Variants in ARNT observed in about 807,000 individuals in gnomAD.
ARNT encodes class E basic helix-loop-helix protein 2.
In ARNT, 30 loss-of-function variants were observed where a neutral mutation model predicts 105.0. That is an observed-to-expected ratio of 0.29 (90% CI 0.21 to 0.39). ARNT has a LOEUF of 0.39. Among genes scored for constraint, ARNT ranks in the 10% least tolerant of loss-of-function variants. ARNT has a pLI of 1.00. For missense variants in ARNT, 748 were observed against 978.7 expected, an observed-to-expected ratio of 0.76 and a Z score of 3.15; for synonymous variants, 304 against 344.0, an observed-to-expected ratio of 0.88 and a Z score of 1.29.
Position 150,820,155 on chromosome 1 carries a change from G to C in ARNT, c.1395-2125C>G, listed in dbSNP as rs77212361. ...ATGCTACAGCAGAGTTGAGTAGGTG[G>C]AATAAAGACCACATGGCCCACAAAG... On this transcript the variant is annotated intron_variant, in intron 14 of 21. Transcript: ENST00000358595. Among the ~76,000 whole-genome samples the C allele has an allele frequency of 7.7e-3, 1,169 of 152,230 alleles. 6 individuals carry two copies. The highest frequency in any genetic ancestry group is 0.011 in the Non-Finnish European group (717 of 68,010).
In ARNT at chr1:150,813,208, C is replaced by A; in HGVS notation, c.2244G>T (p.Pro748=). The A allele has an allele frequency of 6.2e-7, 1 of 1,613,478 alleles. No individual in the cohort carries two copies. The highest frequency in any genetic ancestry group is 8.5e-7 in the Non-Finnish European group (1 of 1,179,710). The change falls in exon 21 of 22, where the codon CCG becomes CCT. Residue 748 remains proline (P), a synonymous_variant. Transcript: ENST00000358595. ...CAGGCTGGCCAGGTTGCTGTGCTGG[C>A]GGTTGTTGAACATGTTGCTCACTAG... The part of the protein sequence containing the change: ...SSSSEQHVQQ[P]PAQQPGQPEV...
intron 19 of ARNT, 47 bp downstream of exon 19, chr1:150,816,212 A>G: frequency 1.3e-6 from 2 of 1,559,160 alleles, no homozygotes. Context: ...AAAAGCCCAA[A>G]CAAACAAAAA....
Position 150,810,962 on chromosome 1 carries a change from A to G in ARNT, c.*1059T>C. 4.4e-6 allele frequency: 1 copy of G among 229,482 alleles called. No individual in the cohort carries two copies. 14.2% of individuals were successfully genotyped at this position (229,482 alleles called of 1,614,324 possible). Reference sequence around the variant, plus strand: ...CTTCGTATTTGGTTTACACTCCAACAATGAGGATTTTCACTGGGACGGCTA... The same window carrying G: ...CTTCGTATTTGGTTTACACTCCAACGATGAGGATTTTCACTGGGACGGCTA... On this transcript the variant is annotated 3_prime_UTR_variant, in exon 22 of 22. Coordinates refer to ENST00000358595, the MANE Select transcript of ARNT (RefSeq NM_001668.4).
At chr1:150,870,285 T>C (rs1667226948) in intron 1 of ARNT, among the ~76,000 whole-genome samples, 2 of 152,186 alleles carry the variant, frequency 1.3e-5, no homozygotes, top group Admixed American at 6.5e-5. Flanking sequence ...GATATTATTA[T>C]AGTTAGTACA....
chr1:150,826,902 C>A (rs1266663818), intron 12 of ARNT, among the ~76,000 whole-genome samples: 1 of 152,038 alleles, frequency 6.6e-6, no homozygotes, highest in Non-Finnish European at 1.5e-5. Context: ...CCGCCTCGGC[C>A]TCCCAAAGCG....
intron 3 of ARNT, 128 bp from the exon 4 acceptor site, chr1:150,846,435 G>A (rs998976741): frequency 3.5e-6 from 3 of 866,508 alleles, no homozygotes; most frequent in Non-Finnish European, 3.6e-6. Flanking sequence ...ATCACAAAGT[G>A]ATAGAAATAA....
chr1:150,873,461 A>G (rs1667793003), intron 1 of ARNT, among the ~76,000 whole-genome samples: 1 of 152,192 alleles, frequency 6.6e-6, no homozygotes, highest in African/African-American at 2.4e-5. Flanking sequence ...AAAAAAAATC[A>G]TCACAGAACT....
At chr1:150,867,219 C>CA (rs201275651) in intron 1 of ARNT, among the ~76,000 whole-genome samples, 7,835 of 134,758 alleles carry the variant, frequency 0.058, 268 homozygotes, top group Middle Eastern at 0.094. Flanking sequence ...AAAACAACAA[C>CA]AACAAAAAAA....
chr1:150,836,938 C>G (rs754694966), intron 6 of ARNT, among the ~76,000 whole-genome samples: 1 of 152,040 alleles, frequency 6.6e-6, no homozygotes, highest in Non-Finnish European at 1.5e-5. Flanking sequence ...TGGTGGCACA[C>G]GCCTGTAGTC....
At chr1:150,863,629 G>A (rs1666046287) in intron 1 of ARNT, among the ~76,000 whole-genome samples, 2 of 152,042 alleles carry the variant, frequency 1.3e-5, no homozygotes, top group South Asian at 2.1e-4. Context: ...AGGAGTTCGA[G>A]ACCAGCCTGA....
intron 12 of ARNT, among the ~76,000 whole-genome samples, chr1:150,827,641 T>C (rs2089081): frequency 0.41 from 63,126 of 152,140 alleles, 15,122 homozygotes; most frequent in Non-Finnish European, 0.54. Flanking sequence ...ATGAACTGTG[T>C]ACAAATCTAT....
In ARNT at chr1:150,848,443, CG is replaced by C. The variant is rs1194574274; in HGVS notation, c.183-2137del. Among the ~76,000 whole-genome samples, 3 of 140,626 alleles carry C rather than the reference CG, an allele frequency of 2.1e-5. No individual in the cohort carries two copies. The East Asian group carries it at 6.1e-4, about 29-fold the overall frequency. 92.3% of individuals were successfully genotyped at this position (140,626 alleles called of 152,430 possible). The stretch of plus-strand genomic sequence containing the variant: ...TGCACTCCAACGTGGGCAACAAGAG[CG>C]AGACTCCTCTCAAAAAAAAAAAAAG... On this transcript the variant is annotated intron_variant, in intron 3 of 21. Coordinates refer to ENST00000358595, the MANE Select transcript of ARNT (RefSeq NM_001668.4).
At chr1:150,840,865 A>G (rs1443197783) in intron 5 of ARNT, among the ~76,000 whole-genome samples, 1 of 151,944 alleles carries the variant, frequency 6.6e-6, no homozygotes, top group Non-Finnish European at 1.5e-5. Flanking sequence ...AGTGTCCTCC[A>G]TGGGGATGCC....
chr1:150,856,333 G>A (rs1014102353), intron 2 of ARNT, among the ~76,000 whole-genome samples: 17 of 152,100 alleles, frequency 1.1e-4, no homozygotes, highest in Non-Finnish European at 1.6e-4. Context: ...CCAGCTACTC[G>A]GGAGGCTGAG....
At chr1:150,813,436 T>C in intron 20 of ARNT, 98 bp from the exon 21 acceptor site, 1 of 1,270,012 alleles carries the variant, frequency 7.9e-7, no homozygotes, top group Non-Finnish European at 1.1e-6. Context: ...CCATTAATTT[T>C]ACCTAGGATA....
chr1:150,842,111 C>T (rs1661394818), intron 5 of ARNT: 1 of 205,480 alleles, frequency 4.9e-6, no homozygotes, highest in African/African-American at 2.4e-5. Flanking sequence ...AAAGCACCAA[C>T]TGGCACGGTT....
chr1:150,866,378 T>G (rs952468272), intron 1 of ARNT, among the ~76,000 whole-genome samples: 1 of 152,212 alleles, frequency 6.6e-6, no homozygotes, highest in African/African-American at 2.4e-5. Flanking sequence ...TCTTATTCTC[T>G]CTGAAGCTTA....
intron 13 of ARNT, among the ~76,000 whole-genome samples, chr1:150,826,154 A>G (rs1469370037): frequency 6.6e-6 from 1 of 152,122 alleles, no homozygotes; most frequent in Non-Finnish European, 1.5e-5. Context: ...GCCTCAAGTG[A>G]TCCACCTGCC....
intron 13 of ARNT, among the ~76,000 whole-genome samples, chr1:150,826,060 T>G (rs963578346): frequency 2.0e-5 from 3 of 152,006 alleles, no homozygotes; most frequent in Non-Finnish European, 4.4e-5. Context: ...ATTACAGGCA[T>G]GCACCACCAT....
Sources: allele counts gnomAD v4.1 joint callset (sites outside exome capture counted in the v4.1 genomes callset), GRCh38; gene constraint gnomAD v4.1.1; transcripts MANE v1.5; gene names NCBI Gene and HGNC (gene_info 2026-07-23, HGNC 2026-07-21).